GFPT2: variants seen among roughly 807,000 people sequenced by gnomAD.
GFPT2 encodes glutamine--fructose-6-phosphate transaminase 2.
GFPT2 carries 62 observed loss-of-function variants against 85.6 expected under a neutral mutation model. That is an observed-to-expected ratio of 0.72 (90% CI 0.59 to 0.90). The LOEUF is 0.90. GFPT2 is among the 40% of genes least tolerant of loss of function. The probability of loss-of-function intolerance (pLI) is 0.00; values close to 1 mark genes in which losing one functional copy is unlikely to be tolerated. For missense variants in GFPT2, 788 were observed against 893.4 expected, an observed-to-expected ratio of 0.88 and a Z score of 1.50; for synonymous variants, 368 against 344.5, an observed-to-expected ratio of 1.07 and a Z score of -0.75.
chr5:180,351,828 A>G (rs1764716758), intron 1 of GFPT2, among the ~76,000 whole-genome samples: 1 of 152,088 alleles, frequency 6.6e-6, no homozygotes, highest in Non-Finnish European at 1.5e-5. Flanking sequence ...ATCTGAAAGG[A>G]AGGGGAAGGG....
chr5:180,309,571 C>T (rs1052802483), intron 15 of GFPT2, among the ~76,000 whole-genome samples: 1 of 152,088 alleles, frequency 6.6e-6, no homozygotes, highest in Admixed American at 6.5e-5. Context: ...AAGGCGCACA[C>T]CACCACACCC....
intron 13 of GFPT2, among the ~76,000 whole-genome samples, chr5:180,315,628 A>G (rs58312286): frequency 0.024 from 3,653 of 152,312 alleles, 121 homozygotes; most frequent in East Asian, 0.14. Context: ...TGGGCTGGAT[A>G]AGGCTAGGAT....
At chr5:180,338,415 C>A (rs979943297) in intron 2 of GFPT2, 78 bp downstream of exon 2, 1 of 598,116 alleles carries the variant, frequency 1.7e-6, no homozygotes. Flanking sequence ...GGTTGTAAAC[C>A]CCCCTGCAGT....
intron 1 of GFPT2, among the ~76,000 whole-genome samples, chr5:180,350,909 CCT>C (rs1414352187): frequency 2.0e-5 from 3 of 152,292 alleles, no homozygotes; most frequent in Admixed American, 1.3e-4. Flanking sequence ...GGTCTCCGCC[CCT>C]GAGGGAACGG....
chr5:180,331,462 G>A (rs374847543), intron 5 of GFPT2, 33 bp downstream of exon 5: 22 of 1,320,382 alleles, frequency 1.7e-5, no homozygotes, highest in South Asian at 2.4e-5. Context: ...CAATCCCACC[G>A]GACTGAGACA....
intron 6 of GFPT2, among the ~76,000 whole-genome samples, chr5:180,329,106 T>C (rs1177448544): frequency 1.3e-5 from 2 of 152,196 alleles, no homozygotes; most frequent in Non-Finnish European, 2.9e-5. Flanking sequence ...TGTACTAACT[T>C]ACCGCAACCC....
chr5:180,309,305 C>A (rs183511877), intron 15 of GFPT2, among the ~76,000 whole-genome samples: 1 of 152,298 alleles, frequency 6.6e-6, no homozygotes, highest in Admixed American at 6.5e-5. Flanking sequence ...TCTACTGATG[C>A]GTCAGCTGAT....
rs552366978 is a variant in GFPT2 at position 180,352,462 on chromosome 5, C to A, written c.7+749G>T. 5.2e-4 allele frequency: 235 copies of A among 452,038 alleles called. 1 individual carries two copies. Among genetic ancestry groups the A allele is most frequent in the Middle Eastern group, 2.0e-3 (6 of 2,982 alleles). The allele number at this position is 452,038 out of a possible 1,614,324, so 28.0% of individuals were successfully genotyped here. A position where few individuals can be genotyped will look rare whatever the true frequency, so the allele number is the denominator to read the frequency against. ...AAGAATTGCAGATGTGCGCTCCGGG[C>A]CGCGGCCGCCCTCCCCACGGTCCCG... On this transcript the variant is annotated intron_variant, in intron 1 of 18. Coordinates refer to ENST00000253778, the MANE Select transcript of GFPT2 (RefSeq NM_005110.4).
chr5:180,336,267 A>G, intron 3 of GFPT2: 1 of 605,470 alleles, frequency 1.7e-6, no homozygotes, highest in South Asian at 2.0e-5. Flanking sequence ...GTAACCCTTC[A>G]CACTTAAAAA....
chr5:180,351,508 A>T (rs1764710408), intron 1 of GFPT2, among the ~76,000 whole-genome samples: 1 of 151,676 alleles, frequency 6.6e-6, no homozygotes, highest in African/African-American at 2.4e-5. Context: ...TCTGGCTCCG[A>T]GTGGGCACCC....
chr5:180,321,969 A>G (rs1764131298), intron 9 of GFPT2, among the ~76,000 whole-genome samples: 1 of 151,420 alleles, frequency 6.6e-6, no homozygotes, highest in Non-Finnish European at 1.5e-5. Flanking sequence ...TTGTATTTTT[A>G]GTAGAAACCG....
At position 180,353,212 on chromosome 5, in the gene GFPT2, G is replaced by A. The variant is rs1415727805; in HGVS notation, c.6C>T (p.Cys2=). The part of the protein sequence containing the change: M[C]GIFAYMNYRV... ...GGCTCGGGCGGGCGCGGCACTCACC[G>A]CACATCGTGGCTGCTTCTCGGGCTC... The change falls in exon 1 of 19, where the codon TGC becomes TGT. Residue 2 remains cysteine (C), a splice_region_variant and synonymous_variant. Coordinates refer to ENST00000253778, the MANE Select transcript of GFPT2 (RefSeq NM_005110.4). The A allele has an allele frequency of 8.1e-7, 1 of 1,239,278 alleles. No homozygotes were observed. The allele number at this position is 1,239,278 out of a possible 1,614,324, so 76.8% of individuals were successfully genotyped here. A position where few individuals can be genotyped will look rare whatever the true frequency, so the allele number is the denominator to read the frequency against.
At chr5:180,315,327 G>T (rs960165563) in intron 13 of GFPT2, among the ~76,000 whole-genome samples, 2 of 152,048 alleles carry the variant, frequency 1.3e-5, no homozygotes, top group African/African-American at 4.8e-5. Context: ...ACAGGCGCCC[G>T]CCACCACGCC....
Position 180,318,156 on chromosome 5 carries a change from C to T in GFPT2, c.958+637G>A, listed in dbSNP as rs1764050345. ...GGAACCAGTCCTATGAGAAGAACAG[C>T]GAATGCAGGGGCTGTGGCGGGGCAC... On this transcript the variant is annotated intron_variant, in intron 10 of 18. Transcript: ENST00000253778. The surrounding 1 kb of genome is among the most constrained non-coding windows in gnomAD (Gnocchi z 4.2). Among the ~76,000 whole-genome samples the T allele has an allele frequency of 2.0e-5, 3 of 152,074 alleles. No homozygotes were observed. The highest frequency in any genetic ancestry group is 2.9e-5 in the Non-Finnish European group (2 of 67,992).
chr5:180,343,959 T>C (rs1764563853), intron 1 of GFPT2, among the ~76,000 whole-genome samples: 3 of 152,250 alleles, frequency 2.0e-5, no homozygotes, highest in African/African-American at 7.2e-5. Context: ...TCCAGCGGAC[T>C]TTTTGCAGAG....
At chr5:180,322,692 C>A (rs1353496934) in intron 9 of GFPT2, among the ~76,000 whole-genome samples, 1 of 152,130 alleles carries the variant, frequency 6.6e-6, no homozygotes, top group Admixed American at 6.5e-5. Flanking sequence ...GTATTGCCTA[C>A]AAATAATTAT....
At chr5:180,309,000 G>C (rs1763828238) in intron 15 of GFPT2, among the ~76,000 whole-genome samples, 1 of 151,992 alleles carries the variant, frequency 6.6e-6, no homozygotes, top group Non-Finnish European at 1.5e-5. Flanking sequence ...CTCCTGAGTA[G>C]CTGGGATTAC....
chr5:180,331,070 G>A, intron 5 of GFPT2: 2 of 544,954 alleles, frequency 3.7e-6, no homozygotes, highest in Non-Finnish European at 6.4e-6. Flanking sequence ...TCTGGACATT[G>A]CAAAATAACA....
chr5:180,350,562 C>T (rs200173402), intron 1 of GFPT2, among the ~76,000 whole-genome samples: 1 of 152,180 alleles, frequency 6.6e-6, no homozygotes, highest in East Asian at 1.9e-4. Flanking sequence ...CCCATGAGAT[C>T]TTCGAGTCCC....
Sources: gnomAD v4.1 joint callset for allele counts (sites outside exome capture counted in the v4.1 genomes callset) on GRCh38, gnomAD v4.1.1 for gene constraint, Gnocchi (gnomAD v3.1) non-coding constraint, MANE v1.5 for transcripts, NCBI Gene and HGNC (gene_info 2026-07-23, HGNC 2026-07-21) for gene names.